The following CFAP54 variants were observed in gnomAD, a reference collection of about 807,000 sequenced individuals.
The protein encoded by CFAP54 is cilia- and flagella-associated protein 54.
Under a neutral mutation model 370.4 loss-of-function variants are expected in CFAP54, and 290 were observed. That is an observed-to-expected ratio of 0.78 (90% CI 0.71 to 0.86). The LOEUF (loss-of-function observed/expected upper bound fraction) is 0.86, where lower values mean the gene tolerates loss of function less well. CFAP54 is among the 40% of genes least tolerant of loss of function. CFAP54 has a pLI of 0.00. For synonymous variants in CFAP54, 1,206 were observed against 1,236.5 expected, an observed-to-expected ratio of 0.98 and a Z score of 0.52; for missense variants, 3,399 against 3,528.7, an observed-to-expected ratio of 0.96 and a Z score of 0.93.
At position 96,660,859 on chromosome 12, in the gene CFAP54, C is replaced by T. The variant is rs1187571359; in HGVS notation, c.5460+2513C>T. Among the ~76,000 whole-genome samples the T allele has an allele frequency of 2.6e-5, 4 of 152,102 alleles. No homozygotes were observed. In the South Asian group the frequency reaches 6.2e-4, roughly 24 times the overall value. ...AAATTAGGGTTCTTATGACCCACTC[C>T]TTGGGTTCGATTAATTTGCTAGAGT... On this transcript the variant is annotated intron_variant, in intron 38 of 67. Coordinates refer to ENST00000524981, the MANE Select transcript of CFAP54 (RefSeq NM_001306084.2).
intron 29 of CFAP54, among the ~76,000 whole-genome samples, chr12:96,626,146 G>A (rs2136470779): frequency 6.6e-6 from 1 of 152,206 alleles, no homozygotes; most frequent in East Asian, 1.9e-4. Context: ...CACTTTGGGA[G>A]GCCAAGGCAG....
chr12:96,800,778 A>G (rs958719576), intron 63 of CFAP54, among the ~76,000 whole-genome samples: 2 of 152,252 alleles, frequency 1.3e-5, no homozygotes, highest in Non-Finnish European at 2.9e-5. Context: ...AAAGCACTTT[A>G]CTTACATCAT....
intron 13 of CFAP54, among the ~76,000 whole-genome samples, chr12:96,539,492 G>A (rs899613384): frequency 5.9e-5 from 9 of 151,854 alleles, no homozygotes; most frequent in Admixed American, 5.2e-4. Context: ...TGGTCAACAT[G>A]GTGAAAACCC....
intron 63 of CFAP54, among the ~76,000 whole-genome samples, chr12:96,810,779 A>C (rs973799595): frequency 1.3e-5 from 2 of 152,196 alleles, no homozygotes; most frequent in Admixed American, 1.3e-4. Context: ...AGCTGCCCTC[A>C]GAAGAATAGA....
chr12:96,717,210 G>T (rs903893083), intron 48 of CFAP54, among the ~76,000 whole-genome samples: 15 of 152,086 alleles, frequency 9.9e-5, no homozygotes, highest in Non-Finnish European at 1.5e-5. Flanking sequence ...GGCTTCTTTT[G>T]TACCACGTTC....
chr12:96,664,095 AT>A (rs1957028468), intron 39 of CFAP54, among the ~76,000 whole-genome samples, 163 bp downstream of exon 39: 1 of 152,222 alleles, frequency 6.6e-6, no homozygotes, highest in Non-Finnish European at 1.5e-5. Context: ...TTACGTTGCT[AT>A]AAATGTTACT....
intron 22 of CFAP54, among the ~76,000 whole-genome samples, chr12:96,585,891 C>G (rs377647244): frequency 6.6e-6 from 1 of 152,144 alleles, no homozygotes. Flanking sequence ...TACTTTCTCT[C>G]AAATTTTCCT....
chr12:96,614,568 C>G (rs1369551790), intron 26 of CFAP54, among the ~76,000 whole-genome samples: 2 of 152,170 alleles, frequency 1.3e-5, no homozygotes, highest in African/African-American at 4.8e-5. Context: ...AAGAGGAAGT[C>G]AAATTGTCCC....
intron 60 of CFAP54, among the ~76,000 whole-genome samples, chr12:96,767,297 G>A (rs557667400): frequency 4.6e-5 from 7 of 152,308 alleles, no homozygotes; most frequent in African/African-American, 1.7e-4. Context: ...CACGAAAAAG[G>A]TGCTGTGATT....
Position 96,663,941 on chromosome 12 carries a change from C to G in CFAP54, c.5563+9C>G. 1 of 1,589,110 alleles carries G rather than the reference C, an allele frequency of 6.3e-7. No individual in the cohort carries two copies. Among genetic ancestry groups the G allele is most frequent in the Non-Finnish European group, 8.6e-7 (1 of 1,159,966 alleles). On this transcript the variant is annotated intron_variant, in intron 39 of 67. Transcript: ENST00000524981. ...AATGCTTATCTCTTCAGGTCAGAACCAATCTTAGCTTGAATGTTTGTTTTC... is the reference window on the plus strand; with the variant it reads ...AATGCTTATCTCTTCAGGTCAGAACGAATCTTAGCTTGAATGTTTGTTTTC...
intron 34 of CFAP54, among the ~76,000 whole-genome samples, chr12:96,649,259 G>T (rs1162915793): frequency 1.3e-5 from 2 of 152,198 alleles, no homozygotes; most frequent in Admixed American, 6.5e-5. Flanking sequence ...ATTTGAAAGT[G>T]AATTCCATAG....
intron 26 of CFAP54, among the ~76,000 whole-genome samples, chr12:96,608,458 A>ATTT (rs1229353022): frequency 1.2e-5 from 1 of 85,736 alleles, no homozygotes; most frequent in Non-Finnish European, 2.4e-5. Flanking sequence ...GCATAGTAGG[A>ATTT]CTTTTTTTTT....
intron 50 of CFAP54, among the ~76,000 whole-genome samples, chr12:96,728,373 T>C (rs1957869623): frequency 6.6e-6 from 1 of 152,332 alleles, no homozygotes; most frequent in Non-Finnish European, 1.5e-5. Context: ...GCTTTGTTTG[T>C]TTCTTTTTAT....
intron 44 of CFAP54, among the ~76,000 whole-genome samples, chr12:96,692,750 A>G (rs990526408): frequency 1.3e-5 from 2 of 152,212 alleles, no homozygotes; most frequent in Admixed American, 1.3e-4. Flanking sequence ...TTTGTATTAC[A>G]TTAACCTTCT....
intron 30 of CFAP54, among the ~76,000 whole-genome samples, 198 bp downstream of exon 30, chr12:96,627,137 T>G (rs1956557333): frequency 6.6e-6 from 1 of 152,174 alleles, no homozygotes. Flanking sequence ...TACTCACAAA[T>G]GAGAATAGAG....
intron 12 of CFAP54, among the ~76,000 whole-genome samples, chr12:96,537,208 CAT>C (rs1242638639): frequency 1.3e-5 from 2 of 152,130 alleles, no homozygotes; most frequent in Non-Finnish European, 2.9e-5. Flanking sequence ...TGAGAGAAAA[CAT>C]ACTCATTATG....
At chr12:96,773,349 G>T (rs987176276) in intron 60 of CFAP54, among the ~76,000 whole-genome samples, 28 of 152,190 alleles carry the variant, frequency 1.8e-4, no homozygotes, top group African/African-American at 6.8e-4. Flanking sequence ...CCGAAGAGAT[G>T]CCTTGAATCA....
intron 56 of CFAP54, among the ~76,000 whole-genome samples, chr12:96,754,746 A>G (rs1245268351): frequency 6.7e-6 from 1 of 149,744 alleles, no homozygotes; most frequent in African/African-American, 2.5e-5. Flanking sequence ...GCTAGTGCCT[A>G]CATTTTTTTT....
chr12:96,509,903 A>G (rs1428199194), intron 4 of CFAP54, among the ~76,000 whole-genome samples: 4 of 152,226 alleles, frequency 2.6e-5, no homozygotes, highest in South Asian at 2.1e-4. Flanking sequence ...TAGACCCTCA[A>G]CTAGATTATT....
Sources: allele counts gnomAD v4.1 joint callset (sites outside exome capture counted in the v4.1 genomes callset), GRCh38; gene constraint gnomAD v4.1.1; transcripts MANE v1.5; gene names NCBI Gene and HGNC (gene_info 2026-07-23, HGNC 2026-07-21).